FILIP1: variants seen among roughly 807,000 people sequenced by gnomAD.
FILIP1 encodes filamin A interacting protein 1.
FILIP1 carries 61 observed loss-of-function variants against 102.1 expected under a neutral mutation model. That is an observed-to-expected ratio of 0.60 (90% CI 0.49 to 0.74). FILIP1 has a LOEUF of 0.74. FILIP1 is among the 30% of genes least tolerant of loss of function. FILIP1 has a pLI of 0.00. For synonymous variants in FILIP1, 491 were observed against 526.9 expected (o/e 0.93, Z 0.93); for missense variants, 1,314 against 1,441.2 (o/e 0.91, Z 1.43).
chr6:75,405,441 CA>C (rs374240897), intron 2 of FILIP1, among the ~76,000 whole-genome samples: 1 of 150,648 alleles, frequency 6.6e-6, no homozygotes, highest in Non-Finnish European at 1.5e-5. Flanking sequence ...TAATTATTAC[CA>C]AAAAAGAAAA....
At chr6:75,319,505 G>A (rs1773567722) in intron 4 of FILIP1, 4 of 586,900 alleles carry the variant, frequency 6.8e-6, no homozygotes, top group Non-Finnish European at 1.3e-5. Context: ...CTCTTCAGCA[G>A]ACATGGTCTT....
chr6:75,463,231 C>T (rs545061725), intron 1 of FILIP1, among the ~76,000 whole-genome samples: 58 of 152,278 alleles, frequency 3.8e-4, no homozygotes, highest in Non-Finnish European at 4.7e-4. Flanking sequence ...CCCATACCCC[C>T]CTTTCCCTAA....
intron 6 of FILIP1, among the ~76,000 whole-genome samples, chr6:75,299,507 T>C (rs1772777842): frequency 6.6e-6 from 1 of 152,178 alleles, no homozygotes; most frequent in Admixed American, 6.5e-5. Context: ...TTCCTTTTTT[T>C]CTAATTGGAA....
Position 75,314,446 on chromosome 6 carries a change from T to C in FILIP1, c.1386A>G (p.Leu462=). The C allele has an allele frequency of 1.3e-6, 2 of 1,580,394 alleles. No individual in the cohort carries two copies. Among genetic ancestry groups the C allele is most frequent in the Non-Finnish European group, 8.6e-7 (1 of 1,169,042 alleles). The change falls in exon 5 of 6, where the codon TTA becomes TTG. Residue 462 remains leucine (L), a synonymous_variant. Transcript: ENST00000237172. ...CCAATTCATTTAGCAGGTCTTTGGT[T>C]AAGTTCTTTTCTTTCTCCAGATTTA... ...LHLNLEKEKN[L]TKDLLNELEV...
chr6:75,321,839 A>G (rs1773674729), intron 4 of FILIP1, among the ~76,000 whole-genome samples: 1 of 151,720 alleles, frequency 6.6e-6, no homozygotes, highest in African/African-American at 2.4e-5. Flanking sequence ...TCTCCAAAGT[A>G]GAACATATCT....
At chr6:75,351,096 C>T (rs1350471513) in intron 4 of FILIP1, among the ~76,000 whole-genome samples, 6 of 151,880 alleles carry the variant, frequency 4.0e-5, no homozygotes, top group African/African-American at 4.8e-5. Context: ...GACAGAGTTT[C>T]GCTCTTGTTG....
At chr6:75,403,386 A>G (rs1776721869) in intron 2 of FILIP1, among the ~76,000 whole-genome samples, 3 of 151,822 alleles carry the variant, frequency 2.0e-5, no homozygotes, top group Non-Finnish European at 2.9e-5. Flanking sequence ...GTGGTGGTGC[A>G]TGCCTACAGT....
intron 1 of FILIP1, among the ~76,000 whole-genome samples, chr6:75,478,090 C>T (rs1779538911): frequency 1.3e-5 from 2 of 152,158 alleles, no homozygotes; most frequent in African/African-American, 4.8e-5. Context: ...CATTCACTTG[C>T]GCCCAATGTA....
intron 1 of FILIP1, among the ~76,000 whole-genome samples, chr6:75,470,616 T>C (rs1779300901): frequency 6.6e-6 from 1 of 152,224 alleles, no homozygotes; most frequent in African/African-American, 2.4e-5. Context: ...GTTGATGAAA[T>C]ATGATAAAAG....
intron 4 of FILIP1, among the ~76,000 whole-genome samples, chr6:75,348,352 C>T (rs375142100): frequency 4.6e-5 from 7 of 151,966 alleles, no homozygotes; most frequent in East Asian, 1.9e-4. Context: ...TTTACCCAGC[C>T]GGAATTAATA....
intron 4 of FILIP1, among the ~76,000 whole-genome samples, chr6:75,330,789 G>A (rs1355747518): frequency 2.0e-5 from 3 of 152,172 alleles, no homozygotes; most frequent in Admixed American, 6.5e-5. Flanking sequence ...ATCAGATTTC[G>A]AGGGGGTTAT....
chr6:75,454,878 A>T (rs1242819527), intron 1 of FILIP1: 1 of 152,232 alleles, frequency 6.6e-6, no homozygotes, highest in Non-Finnish European at 1.5e-5. Flanking sequence ...AGAACCAAGG[A>T]ACAAGAAATG....
rs1230820475 is a variant in FILIP1, at chr6:75,312,968, A to G, written c.2864T>C (p.Ile955Thr). Residue 955 changes from isoleucine (I) to threonine (T), a missense_variant, in exon 5 of 6, where the codon ATT becomes ACT. Around this residue, in one of 3 missense-constraint regions of FILIP1, gnomAD observed 816 missense variants for 913.1 expected, o/e 0.89. Transcript: ENST00000237172. The part of the protein sequence containing the change: ...LGNQKPRITI[I>T]PSPNVMPQKQ... Reference sequence around the variant, plus strand: ...TTGAGGCATAACGTTTGGTGATGGAATAATGGTTATTCTTGGTTTCTGATT... The same window carrying G: ...TTGAGGCATAACGTTTGGTGATGGAGTAATGGTTATTCTTGGTTTCTGATT... The G allele has an allele frequency of 1.9e-6, 3 of 1,614,066 alleles. No individual in the cohort carries two copies. Among genetic ancestry groups the G allele is most frequent in the Non-Finnish European group, 2.5e-6 (3 of 1,180,036 alleles).
At chr6:75,295,846 G>A (rs1772652581) in exon 7 of FILIP1, 16 of 1,095,710 alleles carry the variant, frequency 1.5e-5, no homozygotes, top group Non-Finnish European at 1.9e-5. Context: ...CATGATTGAG[G>A]GCTGTCCATT....
chr6:75,442,086 C>T (rs1217452591), intron 1 of FILIP1, among the ~76,000 whole-genome samples: 1 of 151,466 alleles, frequency 6.6e-6, no homozygotes, highest in Non-Finnish European at 1.5e-5. Flanking sequence ...ACGGGGCGGC[C>T]GGGCAGAGAC....
At chr6:75,399,355 T>C (rs1022195046) in intron 2 of FILIP1, 1 of 152,172 alleles carries the variant, frequency 6.6e-6, no homozygotes, top group African/African-American at 2.4e-5. Flanking sequence ...AAACAATTGA[T>C]GTTTCCTCTT....
chr6:75,362,201 T>C (rs1008188777), intron 3 of FILIP1, among the ~76,000 whole-genome samples: 2 of 152,234 alleles, frequency 1.3e-5, no homozygotes, highest in Non-Finnish European at 1.5e-5. Context: ...TCGATAATAA[T>C]AGTCATAGCC....
chr6:75,295,741 G>T (rs561654450), exon 7 of FILIP1: 2 of 407,110 alleles, frequency 4.9e-6, no homozygotes, highest in South Asian at 1.3e-4. Flanking sequence ...TATCAGCAAG[G>T]CCATTTTCAG....
chr6:75,293,928 A>G (rs1364345881), exon 7 of FILIP1: 1 of 152,210 alleles, frequency 6.6e-6, no homozygotes, highest in Non-Finnish European at 1.5e-5. Flanking sequence ...AAACCCAGTA[A>G]CAATTCTAAA....
Sources: allele counts gnomAD v4.1 joint callset (sites outside exome capture counted in the v4.1 genomes callset), GRCh38; gene constraint gnomAD v4.1.1; regional missense constraint gnomAD v4.1.1; transcripts MANE v1.5; gene names NCBI Gene and HGNC (gene_info 2026-07-23, HGNC 2026-07-21).